MAGI2: variants seen among roughly 807,000 people sequenced by gnomAD.
MAGI2 encodes the protein membrane associated guanylate kinase, WW and PDZ domain containing 2, also known as membrane-associated guanylate kinase, WW and PDZ domain-containing protein 2.
MAGI2 carries 35 observed loss-of-function variants against 133.3 expected under a neutral mutation model. That is an observed-to-expected ratio of 0.26 (90% CI 0.20 to 0.35). The LOEUF is 0.35. Ranked by LOEUF, MAGI2 falls within the 10% of genes least tolerant of loss-of-function variation. MAGI2 has a pLI of 1.00. For missense variants in MAGI2, 1,636 were observed against 1,863.4 expected (o/e 0.88, Z 2.25); for synonymous variants, 729 against 710.6 (o/e 1.03, Z -0.41).
chr7:78,991,995 C>A (rs1805832010), intron 2 of MAGI2, among the ~76,000 whole-genome samples: 1 of 151,950 alleles, frequency 6.6e-6, no homozygotes, highest in Non-Finnish European at 1.5e-5. Flanking sequence ...CAGGGGTGAG[C>A]AAAATTCCAA....
At chr7:78,661,373 TTAGA>T in intron 2 of MAGI2, among the ~76,000 whole-genome samples, 1 of 152,316 alleles carries the variant, frequency 6.6e-6, no homozygotes, top group Admixed American at 6.5e-5. Context: ...TAACTGCCTA[TTAGA>T]TAGCTTGGCA....
At chr7:78,711,537 C>T (rs902450961) in intron 2 of MAGI2, among the ~76,000 whole-genome samples, 3 of 152,024 alleles carry the variant, frequency 2.0e-5, no homozygotes, top group African/African-American at 4.8e-5. Context: ...CCCTTAGAGC[C>T]ATATTTTCTG....
chr7:79,004,959 G>C (rs1365110285), intron 2 of MAGI2, among the ~76,000 whole-genome samples: 1 of 151,958 alleles, frequency 6.6e-6, no homozygotes, highest in Non-Finnish European at 1.5e-5. Context: ...GCACATGCCT[G>C]TAATCCCAGC....
At chr7:78,348,112 C>T (rs1275089469) in intron 7 of MAGI2, among the ~76,000 whole-genome samples, 1 of 152,192 alleles carries the variant, frequency 6.6e-6, no homozygotes, top group East Asian at 1.9e-4. Context: ...ACCACATGTG[C>T]CCTCTACGTT....
chr7:79,039,249 C>T (rs1237634399), intron 1 of MAGI2, among the ~76,000 whole-genome samples: 1 of 152,092 alleles, frequency 6.6e-6, no homozygotes, highest in Non-Finnish European at 1.5e-5. Flanking sequence ...GACATGTTTG[C>T]TCCCACTTCC....
chr7:78,364,505 A>G (rs1248386451), intron 7 of MAGI2, among the ~76,000 whole-genome samples: 1 of 152,216 alleles, frequency 6.6e-6, no homozygotes, highest in Non-Finnish European at 1.5e-5. Context: ...CATACAAATA[A>G]TGTTTTATAG....
rs536975521 is a variant in MAGI2 at position 78,239,504 on chromosome 7, T to G, written c.2047+16439A>C. On this transcript the variant is annotated intron_variant, in intron 10 of 21. Transcript: ENST00000354212. ...AGAATGGAAGAAAATATTTGTAAAC[T>G]GTACATGGATAAAGGGTTAATATCT... Among the ~76,000 whole-genome samples the G allele has an allele frequency of 2.6e-5, 4 of 152,148 alleles. No individual in the cohort carries two copies. The East Asian group carries it at 7.7e-4, about 29-fold the overall frequency.
intron 6 of MAGI2, among the ~76,000 whole-genome samples, chr7:78,372,479 A>C (rs1417571597): frequency 6.6e-6 from 1 of 152,192 alleles, no homozygotes; most frequent in East Asian, 1.9e-4. Context: ...GTTATTTAGA[A>C]TACTGTATTC....
intron 1 of MAGI2, among the ~76,000 whole-genome samples, chr7:79,197,557 T>A (rs1415037393): frequency 6.6e-6 from 1 of 152,070 alleles, no homozygotes; most frequent in African/African-American, 2.4e-5. Context: ...TTGGTCTACA[T>A]CTGGCTGGCA....
chr7:78,078,643 T>G (rs942750908), intron 21 of MAGI2: 1 of 501,218 alleles, frequency 2.0e-6, no homozygotes, highest in African/African-American at 2.0e-5. Flanking sequence ...GTTCTAATAT[T>G]TAAGTGGTGC....
At chr7:78,187,298 C>G (rs1160097348) in intron 12 of MAGI2, among the ~76,000 whole-genome samples, 1 of 151,940 alleles carries the variant, frequency 6.6e-6, no homozygotes, top group Non-Finnish European at 1.5e-5. Flanking sequence ...TTATTTTGGT[C>G]TATAAAATTA....
At chr7:79,156,124 A>G (rs144038710) in intron 1 of MAGI2, among the ~76,000 whole-genome samples, 3,788 of 152,166 alleles carry the variant, frequency 0.025, 66 homozygotes, top group Non-Finnish European at 0.039. Context: ...CTGGGGATTC[A>G]TGCCCTACAA....
chr7:78,593,051 C>T (rs1302941643), intron 3 of MAGI2, among the ~76,000 whole-genome samples: 2 of 151,742 alleles, frequency 1.3e-5, no homozygotes, highest in Non-Finnish European at 2.9e-5. Flanking sequence ...AAGCTGGTCT[C>T]TAACTCCTGA....
chr7:79,011,235 A>G (rs1808056599), intron 1 of MAGI2, among the ~76,000 whole-genome samples: 1 of 152,182 alleles, frequency 6.6e-6, no homozygotes. Flanking sequence ...CATCATTTTC[A>G]GGAATGCCCT....
chr7:78,356,988 A>G (rs748632790), intron 7 of MAGI2, among the ~76,000 whole-genome samples: 4 of 151,940 alleles, frequency 2.6e-5, no homozygotes, highest in Non-Finnish European at 4.4e-5. Flanking sequence ...CTGAACTGCA[A>G]CTGCCTCATC....
chr7:78,380,142 AACACACACACAC>A (rs3061267), intron 6 of MAGI2, among the ~76,000 whole-genome samples: 1 of 149,064 alleles, frequency 6.7e-6, no homozygotes, highest in Non-Finnish European at 1.5e-5. Flanking sequence ...CTCTAGGGAC[AACACACACACAC>A]ACACACACAC....
chr7:79,112,871 C>T (rs931315402), intron 1 of MAGI2, among the ~76,000 whole-genome samples: 1 of 151,954 alleles, frequency 6.6e-6, no homozygotes, highest in African/African-American at 2.4e-5. Context: ...TTTGTCAAAA[C>T]ATTAAAATCT....
At chr7:78,686,586 G>A (rs556882310) in intron 2 of MAGI2, among the ~76,000 whole-genome samples, 74 of 147,788 alleles carry the variant, frequency 5.0e-4, no homozygotes, top group Middle Eastern at 3.6e-3. Context: ...AGGAACAGAT[G>A]AAGAATTTCA....
intron 2 of MAGI2, among the ~76,000 whole-genome samples, chr7:78,987,017 G>T (rs1012688251): frequency 6.6e-6 from 1 of 151,934 alleles, no homozygotes; most frequent in Non-Finnish European, 1.5e-5. Flanking sequence ...TTCAGAGCAA[G>T]AATAAGCAGC....
Sources: allele counts gnomAD v4.1 joint callset (sites outside exome capture counted in the v4.1 genomes callset), GRCh38; gene constraint gnomAD v4.1.1; transcripts MANE v1.5; gene names NCBI Gene and HGNC (gene_info 2026-07-23, HGNC 2026-07-21).